CSMD1: variants seen among roughly 807,000 people sequenced by gnomAD.
The protein encoded by CSMD1 is CUB and sushi domain-containing protein 1.
Under a neutral mutation model 417.5 loss-of-function variants are expected in CSMD1, and 213 were observed. The observed-to-expected ratio is 0.51, with a 90% CI of 0.46 to 0.57. The LOEUF is 0.57. Among genes scored for constraint, CSMD1 ranks in the 20% least tolerant of loss-of-function variants. CSMD1 has a pLI of 0.00. For synonymous variants in CSMD1, 2,862 were observed against 1,736.8 expected (o/e 1.65, Z -16.11); for missense variants, 6,923 against 4,529.7 (o/e 1.53, Z -15.17).
chr8:4,680,021 C>T (rs1426539866), intron 1 of CSMD1, among the ~76,000 whole-genome samples: 1 of 152,080 alleles, frequency 6.6e-6, no homozygotes, highest in Non-Finnish European at 1.5e-5. Flanking sequence ...TCTTCAAGTA[C>T]TTTAATCTTA....
At chr8:3,538,430 T>C (rs1030738314) in intron 10 of CSMD1, among the ~76,000 whole-genome samples, 2 of 152,034 alleles carry the variant, frequency 1.3e-5, no homozygotes. Flanking sequence ...GCACTTGAGA[T>C]GCCTCACCTG....
chr8:3,963,677 G>T (rs1242752456), intron 5 of CSMD1, among the ~76,000 whole-genome samples: 1 of 152,150 alleles, frequency 6.6e-6, no homozygotes, highest in Non-Finnish European at 1.5e-5. Context: ...TTGTATGTGT[G>T]TAAGTGAATA....
rs1585419463 is a variant in CSMD1 at position 4,147,343 on chromosome 8, C to T, written c.416-115244G>A. Among the ~76,000 whole-genome samples the T allele has an allele frequency of 2.0e-5, 3 of 152,104 alleles. No homozygotes were observed. The South Asian group carries it at 6.2e-4, about 32-fold the overall frequency. On this transcript the variant is annotated intron_variant, in intron 3 of 69. Transcript: ENST00000635120. ...TGTATGCTCACCTGTCTATTGCGCC[C>T]CACCCTTCTTCCCTCAGTCCTCAGT...
intron 35 of CSMD1, among the ~76,000 whole-genome samples, chr8:3,188,397 C>T (rs944481422): frequency 6.9e-6 from 1 of 145,604 alleles, no homozygotes; most frequent in African/African-American, 2.5e-5. Flanking sequence ...ACCTCCGCCT[C>T]CCAGGTTCAA....
At chr8:4,170,824 C>T (rs1014129578) in intron 3 of CSMD1, among the ~76,000 whole-genome samples, 1 of 151,680 alleles carries the variant, frequency 6.6e-6, no homozygotes, top group African/African-American at 2.4e-5. Context: ...TCATGATCTT[C>T]TCTCATTTAT....
At chr8:3,686,622 A>G (rs1284515533) in intron 7 of CSMD1, among the ~76,000 whole-genome samples, 2 of 152,226 alleles carry the variant, frequency 1.3e-5, no homozygotes, top group African/African-American at 4.8e-5. Context: ...AGAAAACTGA[A>G]GCCCAGGGAT....
chr8:3,884,737 T>C (rs527343521), intron 5 of CSMD1, among the ~76,000 whole-genome samples: 3 of 152,124 alleles, frequency 2.0e-5, no homozygotes, highest in Non-Finnish European at 2.9e-5. Flanking sequence ...TTAACTTGTA[T>C]AAAACCTGTG....
At chr8:3,889,528 T>G (rs1432925901) in intron 5 of CSMD1, among the ~76,000 whole-genome samples, 2 of 123,026 alleles carry the variant, frequency 1.6e-5, no homozygotes, top group Non-Finnish European at 3.5e-5. Flanking sequence ...TATACATATA[T>G]ATACATACAC....
chr8:3,618,019 T>C (rs1202346410), intron 7 of CSMD1, among the ~76,000 whole-genome samples: 1 of 152,170 alleles, frequency 6.6e-6, no homozygotes, highest in Non-Finnish European at 1.5e-5. Context: ...TTGTTTGTTT[T>C]GAGACAGGAT....
chr8:4,587,343 G>A (rs1352652998), intron 2 of CSMD1, among the ~76,000 whole-genome samples: 1 of 152,036 alleles, frequency 6.6e-6, no homozygotes, highest in Non-Finnish European at 1.5e-5. Context: ...GTAAAACTGT[G>A]AGCTTTTCAA....
At chr8:4,199,220 CTT>C (rs77089752) in intron 3 of CSMD1, among the ~76,000 whole-genome samples, 29,646 of 152,096 alleles carry the variant, frequency 0.19, 3,040 homozygotes, top group East Asian at 0.26. Context: ...CAAATATCCT[CTT>C]GAGGTTAGAC....
intron 2 of CSMD1, among the ~76,000 whole-genome samples, chr8:4,561,650 C>G (rs181363012): frequency 6.6e-5 from 10 of 152,066 alleles, no homozygotes; most frequent in Admixed American, 3.3e-4. Flanking sequence ...CTACTGCAAT[C>G]CAGCCTGGAT....
chr8:2,967,067 A>G (rs565778592), intron 57 of CSMD1, among the ~76,000 whole-genome samples: 47 of 152,260 alleles, frequency 3.1e-4, no homozygotes, highest in African/African-American at 1.1e-3. Context: ...TAGCCTTGCT[A>G]TTTGGGGATT....
intron 3 of CSMD1, among the ~76,000 whole-genome samples, chr8:4,103,563 A>G (rs1315324918): frequency 6.6e-6 from 1 of 152,024 alleles, no homozygotes; most frequent in African/African-American, 2.4e-5. Context: ...TCAAAGTTTG[A>G]TACGATGGAT....
intron 7 of CSMD1, among the ~76,000 whole-genome samples, chr8:3,619,960 G>C (rs751747718): frequency 3.3e-5 from 5 of 152,118 alleles, no homozygotes; most frequent in Non-Finnish European, 7.4e-5. Flanking sequence ...AAATCAGCCA[G>C]GCATGGTGGC....
chr8:3,414,779 C>A (rs893301630), intron 12 of CSMD1, among the ~76,000 whole-genome samples: 1 of 152,174 alleles, frequency 6.6e-6, no homozygotes, highest in Non-Finnish European at 1.5e-5. Context: ...GGTGTCTCCC[C>A]TCTTCAGCCT....
At chr8:3,067,334 C>T (rs946542254) in intron 49 of CSMD1, among the ~76,000 whole-genome samples, 1 of 152,104 alleles carries the variant, frequency 6.6e-6, no homozygotes, top group Non-Finnish European at 1.5e-5. Flanking sequence ...CTTTTGACCT[C>T]GATGCCTCCC....
At chr8:3,429,038 G>C (rs931935894) in intron 12 of CSMD1, among the ~76,000 whole-genome samples, 1 of 152,128 alleles carries the variant, frequency 6.6e-6, no homozygotes, top group South Asian at 2.1e-4. Flanking sequence ...GACTGGGGGA[G>C]GCAGGAGGAC....
intron 3 of CSMD1, among the ~76,000 whole-genome samples, chr8:4,262,863 T>TA (rs1360439624): frequency 6.6e-6 from 1 of 152,150 alleles, no homozygotes; most frequent in Non-Finnish European, 1.5e-5. Flanking sequence ...TTTAAGCCAA[T>TA]AAAAACAGCA....
Sources: allele counts gnomAD v4.1 joint callset (sites outside exome capture counted in the v4.1 genomes callset), GRCh38; gene constraint gnomAD v4.1.1; transcripts MANE v1.5; gene names NCBI Gene and HGNC (gene_info 2026-07-23, HGNC 2026-07-21).